SLC9A1: variants seen among roughly 807,000 people sequenced by gnomAD.
The protein encoded by SLC9A1 is sodium/hydrogen exchanger 1.
Under a neutral mutation model 67.9 loss-of-function variants are expected in SLC9A1, and 22 were observed. The ratio of observed to expected loss-of-function variants is 0.32; its 90% CI spans 0.23 to 0.46. The LOEUF is 0.46. Among genes scored for constraint, SLC9A1 ranks in the 20% least tolerant of loss-of-function variants. SLC9A1 has a pLI of 1.00. For synonymous variants in SLC9A1, 421 were observed against 471.8 expected, an observed-to-expected ratio of 0.89 and a Z score of 1.40; for missense variants, 686 against 1,094.8, an observed-to-expected ratio of 0.63 and a Z score of 5.27.
intron 1 of SLC9A1, among the ~76,000 whole-genome samples, chr1:27,153,144 G>C (rs903022082): frequency 6.6e-6 from 1 of 152,112 alleles, no homozygotes; most frequent in African/African-American, 2.4e-5. Context: ...GTCTCTTCAG[G>C]CCTGAACATC....
At chr1:27,150,619 G>A (rs1333647315) in intron 1 of SLC9A1, among the ~76,000 whole-genome samples, 2 of 152,074 alleles carry the variant, frequency 1.3e-5, no homozygotes, top group African/African-American at 2.4e-5. Flanking sequence ...CACACCACTG[G>A]CCCCTCCCCA....
At position 27,100,710 on chromosome 1, in the gene SLC9A1, G is replaced by A. The variant is rs1309077556; in HGVS notation, c.2111-66C>T. 11 of 1,345,040 alleles carry A rather than the reference G, an allele frequency of 8.2e-6. No homozygotes were observed. Among genetic ancestry groups the A allele is most frequent in the Middle Eastern group, 2.0e-4 (1 of 5,010 alleles). The allele number at this position is 1,345,040 out of a possible 1,614,324, so 83.3% of individuals were successfully genotyped here. ...GAGCCCGGCCCAGCACGTGCCACTC[G>A]GCCGCGTCAGTGCCTCCTTCAGGCC... On this transcript the variant is annotated intron_variant, in intron 11 of 11. Transcript: ENST00000263980. This position sits in a 1 kb window ranked among gnomAD's most constrained non-coding sequence, Gnocchi z 5.6.
intron 1 of SLC9A1, among the ~76,000 whole-genome samples, chr1:27,152,615 T>C (rs2083537474): frequency 6.6e-6 from 1 of 152,166 alleles, no homozygotes; most frequent in Non-Finnish European, 1.5e-5. Context: ...GTTCCCCTTG[T>C]CCAGTCCTTG....
At chr1:27,125,248 T>C (rs1251973760) in intron 1 of SLC9A1, among the ~76,000 whole-genome samples, 2 of 136,316 alleles carry the variant, frequency 1.5e-5, no homozygotes, top group African/African-American at 5.5e-5. Flanking sequence ...TTTTTTTTTT[T>C]TTTTTTTTTT....
intron 1 of SLC9A1, among the ~76,000 whole-genome samples, chr1:27,138,334 C>A (rs1406792927): frequency 6.6e-6 from 1 of 152,242 alleles, no homozygotes; most frequent in Admixed American, 6.5e-5. Context: ...CCTTAGAGAA[C>A]CCTTGCTGGC....
chr1:27,155,114 C>G lies in SLC9A1; in HGVS notation c.-780G>C, dbSNP rs530456612. ...GAACTAACCCTAGCCCCGGCCCCGG[C>G]GGCAGCAGACTGAAGCCTAGCTGAG... is the stretch of plus-strand genomic sequence containing the variant. On this transcript the variant is annotated 5_prime_UTR_variant, in exon 1 of 12. Coordinates refer to ENST00000263980, the MANE Select transcript of SLC9A1 (RefSeq NM_003047.5). This position sits in a 1 kb window ranked among gnomAD's most constrained non-coding sequence, Gnocchi z 4.5. Among the ~76,000 whole-genome samples the G allele has an allele frequency of 1.2e-4, 19 of 152,206 alleles. No individual in the cohort carries two copies. The highest frequency in any genetic ancestry group is 4.6e-4 in the African/African-American group (19 of 41,534).
At chr1:27,128,081 C>T (rs2083357817) in intron 1 of SLC9A1, among the ~76,000 whole-genome samples, 1 of 152,224 alleles carries the variant, frequency 6.6e-6, no homozygotes, top group African/African-American at 2.4e-5. Flanking sequence ...CTGTCCATGC[C>T]AGCAACTGTG....
At chr1:27,152,550 G>A (rs556433711) in intron 1 of SLC9A1, among the ~76,000 whole-genome samples, 1 of 152,268 alleles carries the variant, frequency 6.6e-6, no homozygotes, top group East Asian at 1.9e-4. Context: ...GAGACCTGCA[G>A]AAAAAGGCCT....
chr1:27,153,905 A>T, intron 1 of SLC9A1, 78 bp downstream of exon 1: 1 of 936,220 alleles, frequency 1.1e-6, no homozygotes, highest in Non-Finnish European at 1.6e-6. Context: ...ACTCCTGGAC[A>T]GCCTCAAATG....
chr1:27,131,887 T>C lies in SLC9A1; in HGVS notation c.353-17601A>G, dbSNP rs141181496. The stretch of plus-strand genomic sequence containing the variant: ...AGTGAGCATAGACGGCACCACTGCA[T>C]TCTAGCCTGGGCAATAGAGGGAGAA... On this transcript the variant is annotated intron_variant, in intron 1 of 11. Coordinates refer to ENST00000263980, the MANE Select transcript of SLC9A1 (RefSeq NM_003047.5). Among the ~76,000 whole-genome samples the C allele has an allele frequency of 2.6e-3, 378 of 143,508 alleles. 2 individuals are homozygous for C. Among genetic ancestry groups the C allele is most frequent in the African/African-American group, 9.5e-3 (365 of 38,334 alleles). 94.1% of individuals were successfully genotyped at this position (143,508 alleles called of 152,430 possible). A position where few individuals can be genotyped will look rare whatever the true frequency, so the allele number is the denominator to read the frequency against.
At chr1:27,131,382 T>C (rs1305414278) in intron 1 of SLC9A1, among the ~76,000 whole-genome samples, 1 of 127,042 alleles carries the variant, frequency 7.9e-6, no homozygotes, top group Non-Finnish European at 1.6e-5. Flanking sequence ...TCACTTGAGG[T>C]CAAGAGTTCA....
rs558575886 is a variant in SLC9A1, at chr1:27,122,071, C to T, written c.353-7785G>A. ...CGCAGGTTGCAGTGAGCCAAGATCG[C>T]GCCACTGCACTCCAGCCTGGGCGAC... On this transcript the variant is annotated intron_variant, in intron 1 of 11. Transcript: ENST00000263980. Among the ~76,000 whole-genome samples, 9 of 152,220 alleles carry T rather than the reference C, an allele frequency of 5.9e-5. No homozygotes were observed. In the South Asian group the frequency reaches 1.7e-3, roughly 28 times the overall value.
intron 1 of SLC9A1, among the ~76,000 whole-genome samples, chr1:27,127,266 G>A (rs1047534195): frequency 2.0e-5 from 3 of 152,220 alleles, no homozygotes; most frequent in Admixed American, 6.5e-5. Context: ...CTCCCAAAGT[G>A]CTGAGATTAC....
chr1:27,102,930 C>G (rs1000100906), intron 6 of SLC9A1, 187 bp from the exon 7 acceptor site: 8 of 633,452 alleles, frequency 1.3e-5, no homozygotes, highest in East Asian at 5.5e-5. Context: ...CTGGGTATCT[C>G]GAAGCCTTGC....
intron 1 of SLC9A1, among the ~76,000 whole-genome samples, chr1:27,133,087 A>G: frequency 6.7e-6 from 1 of 148,496 alleles, no homozygotes; most frequent in African/African-American, 2.5e-5. Context: ...TTTTTTTTTG[A>G]GACGGAGTCT....
intron 1 of SLC9A1, among the ~76,000 whole-genome samples, chr1:27,150,669 A>G (rs1442088171): frequency 2.0e-5 from 3 of 152,104 alleles, no homozygotes; most frequent in Non-Finnish European, 4.4e-5. Context: ...GGGGAGAGAA[A>G]AAAGGTCCAG....
At chr1:27,153,410 G>A (rs953096907) in intron 1 of SLC9A1, among the ~76,000 whole-genome samples, 7 of 152,202 alleles carry the variant, frequency 4.6e-5, no homozygotes, top group African/African-American at 1.7e-4. Context: ...AAAGCTGACA[G>A]ATAACATTCT....
At position 27,114,359 on chromosome 1, in the gene SLC9A1, C is replaced by T. The variant is rs1050836432; in HGVS notation, c.353-73G>A. On this transcript the variant is annotated intron_variant, in intron 1 of 11. Coordinates refer to ENST00000263980, the MANE Select transcript of SLC9A1 (RefSeq NM_003047.5). The surrounding 1 kb of genome is among the most constrained non-coding windows in gnomAD (Gnocchi z 5.4). Reference sequence around the variant, plus strand: ...GGAGAATAGAAGGTTGGGGATGGGCCGGGGATGAGGAGCGCAGTTGGTGAG... The same window carrying T: ...GGAGAATAGAAGGTTGGGGATGGGCTGGGGATGAGGAGCGCAGTTGGTGAG... The T allele has an allele frequency of 4.6e-6, 6 of 1,293,362 alleles. No individual in the cohort carries two copies. The highest frequency in any genetic ancestry group is 2.1e-5 in the Admixed American group (1 of 48,208). The allele number at this position is 1,293,362 out of a possible 1,614,324, so 80.1% of individuals were successfully genotyped here.
At chr1:27,116,317 G>A (rs1016226975) in intron 1 of SLC9A1, among the ~76,000 whole-genome samples, 2 of 151,896 alleles carry the variant, frequency 1.3e-5, no homozygotes, top group Admixed American at 1.3e-4. Flanking sequence ...CCGAGATCAC[G>A]CCACTGAGCT....
Sources: allele counts gnomAD v4.1 joint callset (sites outside exome capture counted in the v4.1 genomes callset), GRCh38; gene constraint gnomAD v4.1.1; non-coding constraint Gnocchi (gnomAD v3.1); transcripts MANE v1.5; gene names NCBI Gene and HGNC (gene_info 2026-07-23, HGNC 2026-07-21).